The following NRF1 variants were observed in gnomAD, a reference collection of about 807,000 sequenced individuals.
NRF1 encodes alpha palindromic-binding protein.
A neutral mutation model predicts 58.5 loss-of-function variants in NRF1; 5 were observed. The observed-to-expected ratio is 0.09, with a 90% CI of 0.04 to 0.18. The LOEUF (loss-of-function observed/expected upper bound fraction) is 0.18. Among genes scored for constraint, NRF1 ranks in the 10% least tolerant of loss-of-function variants. The pLI is 1.00. For missense variants in NRF1, 288 were observed against 657.7 expected (o/e 0.44, Z 6.15); for synonymous variants, 224 against 246.7 (o/e 0.91, Z 0.86).
At chr7:129,724,822 A>G (rs889634522) in intron 9 of NRF1, among the ~76,000 whole-genome samples, 1 of 152,242 alleles carries the variant, frequency 6.6e-6, no homozygotes, top group Non-Finnish European at 1.5e-5. Context: ...TCACAGAGAC[A>G]AAAAATAACT....
intron 10 of NRF1, among the ~76,000 whole-genome samples, chr7:129,735,804 C>T (rs892762991): frequency 2.6e-5 from 4 of 151,990 alleles, no homozygotes; most frequent in Non-Finnish European, 4.4e-5. Flanking sequence ...GTCAGGAGAT[C>T]GAGACCATCC....
chr7:129,629,636 C>A (rs1801004253), intron 1 of NRF1, among the ~76,000 whole-genome samples: 1 of 152,164 alleles, frequency 6.6e-6, no homozygotes, highest in South Asian at 2.1e-4. Flanking sequence ...TGCAACACTT[C>A]TGAATGCAAC....
intron 10 of NRF1, among the ~76,000 whole-genome samples, chr7:129,740,927 A>G (rs1192269881): frequency 6.6e-6 from 1 of 152,184 alleles, no homozygotes; most frequent in South Asian, 2.1e-4. Flanking sequence ...GTCATTCTTT[A>G]TTCTTAGTGC....
chr7:129,628,319 C>T (rs919543468), intron 1 of NRF1, among the ~76,000 whole-genome samples: 1 of 150,734 alleles, frequency 6.6e-6, no homozygotes, highest in Non-Finnish European at 1.5e-5. Context: ...CTTTGCTCTC[C>T]TGACCCTTTT....
intron 1 of NRF1, among the ~76,000 whole-genome samples, chr7:129,620,383 A>G (rs1800764926): frequency 7.0e-6 from 1 of 143,870 alleles, no homozygotes; most frequent in Non-Finnish European, 1.5e-5. Flanking sequence ...AGGGGAATCA[A>G]ATCACTTTTT....
chr7:129,751,784 TC>T (rs1333851004), intron 10 of NRF1, among the ~76,000 whole-genome samples: 1 of 152,252 alleles, frequency 6.6e-6, no homozygotes, highest in East Asian at 1.9e-4. Flanking sequence ...GTATGTGGGT[TC>T]CCTGGAGGAA....
chr7:129,713,279 C>T (rs1341876648), intron 8 of NRF1, among the ~76,000 whole-genome samples: 2 of 151,854 alleles, frequency 1.3e-5, no homozygotes, highest in Non-Finnish European at 2.9e-5. Flanking sequence ...TCAGTAGAAA[C>T]GGGGTTTTAC....
At chr7:129,627,523 A>G (rs1032972068) in intron 1 of NRF1, among the ~76,000 whole-genome samples, 4 of 152,164 alleles carry the variant, frequency 2.6e-5, no homozygotes, top group African/African-American at 9.7e-5. Context: ...CTTTTTTAAA[A>G]AAGAGTAACA....
In NRF1 at chr7:129,678,426, A is replaced by G. The variant is rs537438566; in HGVS notation, c.465+668A>G. 2.0e-5 allele frequency among the ~76,000 whole-genome samples: 3 copies of G among 152,370 alleles called. No individual in the cohort carries two copies. The South Asian group carries it at 6.2e-4, about 32-fold the overall frequency. The stretch of plus-strand genomic sequence containing the variant: ...AATTTATTAGCTTAAAATGACATTT[A>G]TTAGATGTCTCCCATATTGAATATA... On this transcript the variant is annotated intron_variant, in intron 4 of 10. Coordinates refer to ENST00000393232, the MANE Select transcript of NRF1 (RefSeq NM_005011.5).
chr7:129,647,784 C>T (rs1270829310), intron 1 of NRF1, among the ~76,000 whole-genome samples: 2 of 152,174 alleles, frequency 1.3e-5, no homozygotes, highest in Non-Finnish European at 2.9e-5. Context: ...ACAAAGTTAA[C>T]CTATTGGTAT....
intron 1 of NRF1, among the ~76,000 whole-genome samples, 160 bp downstream of exon 1, chr7:129,611,984 G>A (rs1453857393): frequency 6.7e-6 from 1 of 148,736 alleles, no homozygotes; most frequent in South Asian, 2.1e-4. Context: ...CGGGCGGGGG[G>A]CCCCGGCCCG....
intron 4 of NRF1, 34 bp from the exon 5 acceptor site, chr7:129,690,372 C>T: frequency 2.5e-6 from 4 of 1,597,812 alleles, no homozygotes; most frequent in South Asian, 2.3e-5. Flanking sequence ...GGTTGTTGGG[C>T]ATCTTGTTTA....
chr7:129,686,533 T>G (rs561951206), intron 4 of NRF1, among the ~76,000 whole-genome samples: 1 of 152,364 alleles, frequency 6.6e-6, no homozygotes, highest in South Asian at 2.1e-4. Context: ...TGGAGAAAGT[T>G]ACTTAAGTTT....
At chr7:129,626,046 C>T (rs756247459) in intron 1 of NRF1, among the ~76,000 whole-genome samples, 1 of 152,116 alleles carries the variant, frequency 6.6e-6, no homozygotes, top group African/African-American at 2.4e-5. Context: ...TCTCAAACAC[C>T]TGGCTTCAAG....
chr7:129,714,354 G>A (rs1427354752), intron 8 of NRF1, among the ~76,000 whole-genome samples: 1 of 152,212 alleles, frequency 6.6e-6, no homozygotes, highest in African/African-American at 2.4e-5. Context: ...ACTTGAGAGA[G>A]CCTCACTGGG....
intron 1 of NRF1, among the ~76,000 whole-genome samples, chr7:129,656,597 C>T (rs1187463815): frequency 6.6e-6 from 1 of 151,678 alleles, no homozygotes; most frequent in Non-Finnish European, 1.5e-5. Flanking sequence ...GTTTTTGAGA[C>T]AGAGTCTTGC....
chr7:129,745,514 C>CG (rs951861073), intron 10 of NRF1, among the ~76,000 whole-genome samples: 20 of 149,600 alleles, frequency 1.3e-4, no homozygotes, highest in Non-Finnish European at 2.8e-4. Context: ...CAACCCCCCC[C>CG]CCATCCATGG....
At chr7:129,754,035 C>G (rs1015137119) in intron 10 of NRF1, among the ~76,000 whole-genome samples, 1 of 152,158 alleles carries the variant, frequency 6.6e-6, no homozygotes, top group Non-Finnish European at 1.5e-5. Context: ...CGGGGACATT[C>G]ACACCTGACG....
chr7:129,634,052 A>C (rs970623445), intron 1 of NRF1, among the ~76,000 whole-genome samples: 34 of 135,904 alleles, frequency 2.5e-4, no homozygotes, highest in Admixed American at 2.2e-3. Context: ...AGATATATAT[A>C]TATATATATA....
Sources: gnomAD v4.1 joint callset for allele counts (sites outside exome capture counted in the v4.1 genomes callset) on GRCh38, gnomAD v4.1.1 for gene constraint, MANE v1.5 for transcripts, NCBI Gene and HGNC (gene_info 2026-07-23, HGNC 2026-07-21) for gene names.